Variants in AP5Z1 observed in about 807,000 individuals in gnomAD.
The protein encoded by AP5Z1 is adaptor related protein complex 5 subunit zeta 1.
AP5Z1 carries 106 observed loss-of-function variants against 83.0 expected under a neutral mutation model. That is an observed-to-expected ratio of 1.28 (90% CI 1.09 to 1.50). The LOEUF (loss-of-function observed/expected upper bound fraction) is 1.50, where lower values mean the gene tolerates loss of function less well. Among genes scored for constraint, AP5Z1 ranks in the 40% most tolerant of loss-of-function variants. The pLI is 0.00. For missense variants in AP5Z1, 1,565 were observed against 1,094.2 expected (o/e 1.43, Z -6.07); for synonymous variants, 751 against 514.1 (o/e 1.46, Z -6.23).
chr7:4,791,083 C>T, intron 16 of AP5Z1, 32 bp from the exon 17 acceptor site: 1 of 1,537,988 alleles, frequency 6.5e-7, no homozygotes, highest in Admixed American at 1.9e-5. Flanking sequence ...AGGGGAGCAT[C>T]TGCAGCTGAC....
chr7:4,788,427 C>T (rs540110909), intron 12 of AP5Z1, 133 bp downstream of exon 12: 155 of 1,181,718 alleles, frequency 1.3e-4, no homozygotes, highest in Non-Finnish European at 1.7e-4. Context: ...GCGTCCCCGT[C>T]ATCACCATTA....
chr7:4,781,883 C>G (rs1009143920), intron 3 of AP5Z1, 129 bp downstream of exon 3: 6 of 1,133,462 alleles, frequency 5.3e-6, no homozygotes, highest in African/African-American at 4.7e-5. Context: ...TGCTGAGTGC[C>G]TGGCACACTT....
At chr7:4,782,842 C>T (rs1383490112) in intron 3 of AP5Z1, among the ~76,000 whole-genome samples, 1 of 152,222 alleles carries the variant, frequency 6.6e-6, no homozygotes, top group Non-Finnish European at 1.5e-5. Context: ...GCGGTGCACC[C>T]CCCGCCCGGC....
intron 6 of AP5Z1, 123 bp from the exon 7 acceptor site, chr7:4,784,785 G>T: frequency 3.0e-6 from 4 of 1,324,532 alleles, no homozygotes; most frequent in Non-Finnish European, 4.0e-6. Context: ...AGACGGTGAC[G>T]CCTCACGCCT....
At chr7:4,781,414 C>T in intron 2 of AP5Z1, 102 bp downstream of exon 2, 2 of 1,574,030 alleles carry the variant, frequency 1.3e-6, no homozygotes, top group South Asian at 2.3e-5. Context: ...GGGGTTGAGT[C>T]ATTTGTCCAC....
intron 10 of AP5Z1, 111 bp from the exon 11 acceptor site, chr7:4,787,523 C>G: frequency 7.0e-7 from 1 of 1,419,366 alleles, no homozygotes; most frequent in South Asian, 1.5e-5. Flanking sequence ...AGGTAGAAGC[C>G]CTCCTGGGGA....
chr7:4,785,308 C>T (rs573657419), intron 7 of AP5Z1, 107 bp from the exon 8 acceptor site: 2 of 1,434,006 alleles, frequency 1.4e-6, no homozygotes, highest in South Asian at 1.4e-5. Flanking sequence ...GCCTGTCCCA[C>T]CCCCCTGCTC....
rs759537675 is a variant in AP5Z1 at position 4,785,578 on chromosome 7, C to A, written c.1026C>A (p.Phe342Leu). 3 of 1,607,306 alleles carry A rather than the reference C, an allele frequency of 1.9e-6. No homozygotes were observed. Among genetic ancestry groups the A allele is most frequent in the East Asian group, 2.2e-5 (1 of 44,700 alleles). ...TGCTGTGCCGGCAGGACCCGTCCTT[C>A]CTGTACCGAAGTCTCTCCTGCCTGA... The part of the protein sequence containing the change: ...LDVLCRQDPS[F>L]LYRSLSCLKA... The change falls in exon 9 of 17, where the codon TTC becomes TTA. Residue 342 changes from phenylalanine (F) to leucine (L), a missense_variant. By Grantham distance (22) the Phe-to-Leu change is conservative. Transcript: ENST00000649063.
intron 1 of AP5Z1, among the ~76,000 whole-genome samples, chr7:4,776,819 GCCGA>G (rs1389815618): frequency 6.6e-6 from 1 of 152,114 alleles, no homozygotes; most frequent in East Asian, 1.9e-4. Context: ...GAGGTGAGAG[GCCGA>G]AGCAGGAGAA....
intron 1 of AP5Z1, among the ~76,000 whole-genome samples, chr7:4,779,213 A>G (rs1781307588): frequency 1.4e-5 from 2 of 145,632 alleles, no homozygotes; most frequent in African/African-American, 5.0e-5. Flanking sequence ...AGCATATATT[A>G]TGTATAACAT....
rs536984064 is a variant in AP5Z1 at position 4,789,683 on chromosome 7, G to GTCTC, written c.1708-147_1708-144dup. 9 of 590,860 alleles carry GTCTC rather than the reference G, an allele frequency of 1.5e-5. No individual in the cohort carries two copies. In the African/African-American group the frequency reaches 1.7e-4, roughly 11 times the overall value. 36.6% of individuals were successfully genotyped at this position (590,860 alleles called of 1,614,324 possible). A position where few individuals can be genotyped will look rare whatever the true frequency, so the allele number is the denominator to read the frequency against. On this transcript the variant is annotated intron_variant, in intron 13 of 16. Transcript: ENST00000649063. Reference sequence around the variant, plus strand: ...CCTGTGCCCGGATGCTGCCAGCTGAGTCTCTGTGTCCCTGGGTGTTGGGGA... The same window carrying GTCTC: ...CCTGTGCCCGGATGCTGCCAGCTGAGTCTCTCTCTGTGTCCCTGGGTGTTGGGGA...
At chr7:4,789,177 C>G in intron 13 of AP5Z1, 1 of 495,546 alleles carries the variant, frequency 2.0e-6, no homozygotes, top group Non-Finnish European at 3.6e-6. Flanking sequence ...CAGTCCCCGT[C>G]CCATCCCCTT....
intron 7 of AP5Z1, 60 bp downstream of exon 7, chr7:4,785,108 C>T (rs902867119): frequency 6.5e-7 from 1 of 1,533,568 alleles, no homozygotes; most frequent in Non-Finnish European, 8.8e-7. Context: ...CTCTGCAAGG[C>T]CACCTGAGGC....
In AP5Z1 at chr7:4,787,919, G is replaced by A. The variant is rs1391556354; in HGVS notation, c.1454+143G>A. On this transcript the variant is annotated intron_variant, in intron 11 of 16. Transcript: ENST00000649063. ...CACCTGACCAGTCCTCCCCTGCAAA[G>A]CCACCTCTAGGACAGGGTGTGTCTG... The A allele has an allele frequency of 3.3e-6, 4 of 1,212,928 alleles. No homozygotes were observed. The South Asian group carries it at 4.7e-5, about 14-fold the overall frequency. The allele number at this position is 1,212,928 out of a possible 1,614,324, so 75.1% of individuals were successfully genotyped here.
Position 4,791,535 on chromosome 7 carries a change from G to A in AP5Z1, c.*150G>A, listed in dbSNP as rs186823399. ...GGGCTTGGCACCCTCACAGACACGC[G>A]GGGCTGGCCCCCCTGCTCACCCTCT... is the stretch of plus-strand genomic sequence containing the variant. On this transcript the variant is annotated 3_prime_UTR_variant, in exon 17 of 17. Transcript: ENST00000649063. 1.1e-3 allele frequency: 1,301 copies of A among 1,185,138 alleles called. 3 individuals are homozygous for A. In the African/African-American group the frequency reaches 0.014, roughly 13 times the overall value. 73.4% of individuals were successfully genotyped at this position (1,185,138 alleles called of 1,614,324 possible).
In AP5Z1 at chr7:4,793,157, A is replaced by C. The variant is rs1781841041; in HGVS notation, c.*1772A>C. The C allele has an allele frequency of 6.6e-6, 1 of 152,346 alleles. No individual in the cohort carries two copies. Among genetic ancestry groups the C allele is most frequent in the South Asian group, 2.1e-4 (1 of 4,830 alleles). The allele number at this position is 152,346 out of a possible 1,614,324, so 9.4% of individuals were successfully genotyped here. ...AAGGGACAAGGAGGAGCTCATGGCC[A>C]CAGGGCCTCGGAGGGCATGACCCCA... On this transcript the variant is annotated 3_prime_UTR_variant, in exon 17 of 17. Coordinates refer to ENST00000649063, the MANE Select transcript of AP5Z1 (RefSeq NM_014855.3).
chr7:4,785,805 C>T, intron 9 of AP5Z1, 121 bp downstream of exon 9: 1 of 1,295,284 alleles, frequency 7.7e-7, no homozygotes, highest in Non-Finnish European at 1.0e-6. Context: ...AGGGGTCTTG[C>T]TGTGTTGCCC....
chr7:4,782,817 T>C (rs1036334334), intron 3 of AP5Z1, among the ~76,000 whole-genome samples: 4 of 152,210 alleles, frequency 2.6e-5, no homozygotes, highest in African/African-American at 9.6e-5. Flanking sequence ...CTTGCAGAAC[T>C]GCTGCCAGGC....
In AP5Z1 at chr7:4,790,777, CACCCAGTGCCGCCCCTCTGCTGCCCT is replaced by C. The variant is rs1781739725; in HGVS notation, c.2044_2069del (p.Thr682AlafsTer72). 6.2e-7 allele frequency: 1 copy of C among 1,608,726 alleles called. No homozygotes were observed. The highest frequency in any genetic ancestry group is 1.3e-5 in the African/African-American group (1 of 74,942). ...CCCTGGAGGCTCTGCTATTCGAGGTCACCCAGTGCCGCCCCTCTGCTGCCCTGCCCAGGTGTCCCCCCCAGGTGGTC... is the reference window on the plus strand; with the variant it reads ...CCCTGGAGGCTCTGCTATTCGAGGTCGCCCAGGTGTCCCCCCCAGGTGGTC... On this transcript the variant is annotated frameshift_variant, in exon 16 of 17. Coordinates refer to ENST00000649063, the MANE Select transcript of AP5Z1 (RefSeq NM_014855.3). LOFTEE classifies it high-confidence loss of function.
Sources: allele counts gnomAD v4.1 joint callset (sites outside exome capture counted in the v4.1 genomes callset), GRCh38; gene constraint gnomAD v4.1.1; transcripts MANE v1.5; gene names NCBI Gene and HGNC (gene_info 2026-07-23, HGNC 2026-07-21).